Variants in ANTXR1 observed in about 807,000 individuals in gnomAD.
ANTXR1 encodes the protein anthrax toxin receptor 1.
Under a neutral mutation model 78.1 loss-of-function variants are expected in ANTXR1, and 19 were observed. The ratio of observed to expected loss-of-function variants is 0.24; its 90% CI spans 0.17 to 0.36. ANTXR1 has a LOEUF of 0.36. Ranked by LOEUF, ANTXR1 falls within the 10% of genes least tolerant of loss-of-function variation. The pLI is 1.00. For synonymous variants in ANTXR1, 273 were observed against 260.5 expected, an observed-to-expected ratio of 1.05 and a Z score of -0.46; for missense variants, 518 against 718.6, an observed-to-expected ratio of 0.72 and a Z score of 3.19.
At chr2:69,160,486 CTTT>C (rs1194129048) in intron 13 of ANTXR1, among the ~76,000 whole-genome samples, 2 of 152,168 alleles carry the variant, frequency 1.3e-5, no homozygotes, top group African/African-American at 2.4e-5. Flanking sequence ...TTCGTACCTT[CTTT>C]GAGTGAATCT....
chr2:69,117,751 C>T (rs928834181), intron 10 of ANTXR1, among the ~76,000 whole-genome samples: 1 of 152,094 alleles, frequency 6.6e-6, no homozygotes, highest in Non-Finnish European at 1.5e-5. Context: ...TACTTGAATG[C>T]GATATTATTG....
intron 1 of ANTXR1, among the ~76,000 whole-genome samples, chr2:69,014,639 C>G (rs373326788): frequency 6.6e-6 from 1 of 152,194 alleles, no homozygotes; most frequent in East Asian, 1.9e-4. Flanking sequence ...AAGCCCCTCA[C>G]AGAAGATCCG....
At chr2:69,152,080 A>G (rs1673413625) in intron 12 of ANTXR1, 89 bp from the exon 13 acceptor site, 1 of 1,309,690 alleles carries the variant, frequency 7.6e-7, no homozygotes, top group Non-Finnish European at 1.1e-6. Flanking sequence ...TCTGAGCCTT[A>G]AATCTGCATA....
intron 16 of ANTXR1, 41 bp from the exon 17 acceptor site, chr2:69,193,294 C>G: frequency 6.3e-7 from 1 of 1,597,190 alleles, no homozygotes; most frequent in Non-Finnish European, 8.6e-7. Flanking sequence ...AGCCACAGGT[C>G]TGGTTTCATA....
chr2:69,148,027 T>C (rs1673275065), intron 12 of ANTXR1, among the ~76,000 whole-genome samples: 1 of 152,240 alleles, frequency 6.6e-6, no homozygotes, highest in Non-Finnish European at 1.5e-5. Context: ...GAATTGCAGC[T>C]GTCCTCCACC....
intron 14 of ANTXR1, chr2:69,172,291 T>C (rs2104453312): frequency 1.3e-5 from 16 of 1,242,958 alleles, no homozygotes; most frequent in East Asian, 2.3e-5. Context: ...CTTTTTGGCA[T>C]GTGCTGATTG....
chr2:69,077,234 T>G, intron 7 of ANTXR1, 174 bp from the exon 8 acceptor site: 9 of 663,942 alleles, frequency 1.4e-5, no homozygotes, highest in East Asian at 2.7e-5. Flanking sequence ...AGGCCACTGG[T>G]GAGCTTGTTA....
chr2:69,204,079 G>A (rs1674837899), intron 17 of ANTXR1, among the ~76,000 whole-genome samples: 1 of 152,182 alleles, frequency 6.6e-6, no homozygotes, highest in Non-Finnish European at 1.5e-5. Flanking sequence ...GTCTAAGCAT[G>A]ATGATCATGT....
chr2:69,138,823 A>G (rs779172357), intron 12 of ANTXR1, among the ~76,000 whole-genome samples: 2 of 152,220 alleles, frequency 1.3e-5, no homozygotes, highest in Non-Finnish European at 2.9e-5. Context: ...AACACAACCC[A>G]GCATCAGGAA....
chr2:69,141,429 C>G (rs1359077606), intron 12 of ANTXR1, among the ~76,000 whole-genome samples: 1 of 152,184 alleles, frequency 6.6e-6, no homozygotes, highest in African/African-American at 2.4e-5. Context: ...TTCTGAAGGA[C>G]AGGCAGTGGA....
intron 10 of ANTXR1, among the ~76,000 whole-genome samples, chr2:69,113,246 A>G (rs962457617): frequency 2.0e-5 from 3 of 151,976 alleles, no homozygotes; most frequent in Middle Eastern, 3.2e-3. Flanking sequence ...TCTGCACCCC[A>G]TGGCTCAGTT....
intron 17 of ANTXR1, among the ~76,000 whole-genome samples, chr2:69,199,102 T>C (rs1292649896): frequency 3.3e-5 from 5 of 152,170 alleles, no homozygotes; most frequent in African/African-American, 1.2e-4. Flanking sequence ...TAAGACAAAT[T>C]AACCACTAGG....
intron 10 of ANTXR1, among the ~76,000 whole-genome samples, chr2:69,116,204 C>G (rs1672138869): frequency 6.6e-6 from 1 of 152,216 alleles, no homozygotes; most frequent in Non-Finnish European, 1.5e-5. Context: ...CCTTTCTACT[C>G]TCAGCAATGG....
chr2:69,028,945 G>A (rs1399063220), intron 1 of ANTXR1, among the ~76,000 whole-genome samples: 3 of 152,004 alleles, frequency 2.0e-5, no homozygotes, highest in Admixed American at 6.6e-5. Flanking sequence ...GGCTGGGTGC[G>A]ATGGCTCTCA....
intron 10 of ANTXR1, among the ~76,000 whole-genome samples, chr2:69,113,433 T>C (rs1350144854): frequency 6.6e-6 from 1 of 152,216 alleles, no homozygotes; most frequent in Non-Finnish European, 1.5e-5. Context: ...TAAATATTTG[T>C]TCAACATCCA....
intron 14 of ANTXR1, among the ~76,000 whole-genome samples, chr2:69,171,294 T>G (rs1408661031): frequency 6.6e-6 from 1 of 152,232 alleles, no homozygotes; most frequent in Non-Finnish European, 1.5e-5. Flanking sequence ...TCAATTAAAG[T>G]GCATCTTGTT....
rs1050180580 is a variant in ANTXR1 at position 69,064,587 on chromosome 2, C to A, written c.297-6060C>A. On this transcript the variant is annotated intron_variant, in intron 3 of 17. Transcript: ENST00000303714. ...CATTAGTATAACAGTCCACCACATA[C>A]AATTATATATGGTTTACAAGAGACA... Among the ~76,000 whole-genome samples, 4 of 151,980 alleles carry A rather than the reference C, an allele frequency of 2.6e-5. No individual in the cohort carries two copies. In the South Asian group the frequency reaches 6.2e-4, roughly 24 times the overall value.
chr2:69,056,680 A>T (rs1573819919), intron 3 of ANTXR1, among the ~76,000 whole-genome samples: 1 of 151,896 alleles, frequency 6.6e-6, no homozygotes, highest in Non-Finnish European at 1.5e-5. Flanking sequence ...TTTTTTTAAA[A>T]TTTTATTTAT....
chr2:69,046,622 G>T (rs1446124939), intron 3 of ANTXR1, among the ~76,000 whole-genome samples: 1 of 152,154 alleles, frequency 6.6e-6, no homozygotes, highest in African/African-American at 2.4e-5. Context: ...GCACAGCATG[G>T]TTTATGGACA....
Sources: gnomAD v4.1 joint callset for allele counts (sites outside exome capture counted in the v4.1 genomes callset) on GRCh38, gnomAD v4.1.1 for gene constraint, MANE v1.5 for transcripts, NCBI Gene and HGNC (gene_info 2026-07-23, HGNC 2026-07-21) for gene names.